The following CTNNA2 variants were observed in gnomAD, a reference collection of about 807,000 sequenced individuals.
The protein encoded by CTNNA2 is catenin alpha-2.
CTNNA2 carries 42 observed loss-of-function variants against 101.0 expected under a neutral mutation model. The observed-to-expected ratio is 0.42, with a 90% CI of 0.32 to 0.54. CTNNA2 has a LOEUF of 0.54. Among genes scored for constraint, CTNNA2 ranks in the 20% least tolerant of loss-of-function variants. The probability of loss-of-function intolerance (pLI) is 0.14; values close to 1 mark genes in which losing one functional copy is unlikely to be tolerated. For missense variants in CTNNA2, 871 were observed against 1,223.1 expected (o/e 0.71, Z 4.29); for synonymous variants, 450 against 456.4 (o/e 0.99, Z 0.18).
intron 7 of CTNNA2, among the ~76,000 whole-genome samples, chr2:80,386,321 T>A (rs1268662785): frequency 6.6e-6 from 1 of 152,160 alleles, no homozygotes; most frequent in Non-Finnish European, 1.5e-5. Flanking sequence ...TCAACTTTCA[T>A]CCATTCTAAA....
chr2:79,444,926 T>C (rs1257629708), intron 4 of CTNNA2, among the ~76,000 whole-genome samples: 1 of 152,162 alleles, frequency 6.6e-6, no homozygotes, highest in Non-Finnish European at 1.5e-5. Flanking sequence ...AATTTGCTGA[T>C]TTTTGTACCC....
intron 2 of CTNNA2, among the ~76,000 whole-genome samples, chr2:79,722,178 T>A: frequency 6.6e-6 from 1 of 152,152 alleles, no homozygotes; most frequent in East Asian, 1.9e-4. Context: ...TTTGTAAGGC[T>A]GGGGACATAT....
At chr2:80,087,748 A>G (rs1349309164) in intron 7 of CTNNA2, among the ~76,000 whole-genome samples, 1 of 152,044 alleles carries the variant, frequency 6.6e-6, no homozygotes, top group Non-Finnish European at 1.5e-5. Flanking sequence ...CATTTGTAAC[A>G]AGCTCCAAGG....
chr2:80,250,003 A>T (rs950336294), intron 7 of CTNNA2, among the ~76,000 whole-genome samples: 1 of 152,122 alleles, frequency 6.6e-6, no homozygotes, highest in African/African-American at 2.4e-5. Flanking sequence ...GAAAGAATTG[A>T]ACCATGTTCC....
intron 4 of CTNNA2, among the ~76,000 whole-genome samples, chr2:79,398,771 A>T (rs1454086826): frequency 6.6e-6 from 1 of 152,070 alleles, no homozygotes; most frequent in Non-Finnish European, 1.5e-5. Context: ...AAACCTCAAA[A>T]AAAAACCTGT....
At chr2:79,992,613 G>A (rs1387657398) in intron 7 of CTNNA2, among the ~76,000 whole-genome samples, 3 of 152,300 alleles carry the variant, frequency 2.0e-5, no homozygotes, top group Admixed American at 2.0e-4. Context: ...TATGCTAAGA[G>A]CGTTTATATG....
At chr2:80,267,812 T>C (rs1673128533) in intron 7 of CTNNA2, among the ~76,000 whole-genome samples, 1 of 152,176 alleles carries the variant, frequency 6.6e-6, no homozygotes, top group Non-Finnish European at 1.5e-5. Flanking sequence ...TTAGTGGATT[T>C]TTCAGTGAGG....
chr2:79,414,856 A>C (rs1678460057), intron 4 of CTNNA2, among the ~76,000 whole-genome samples: 1 of 152,048 alleles, frequency 6.6e-6, no homozygotes, highest in Non-Finnish European at 1.5e-5. Context: ...AAGCCACCAG[A>C]TGACTGTACC....
At chr2:79,829,556 C>T (rs1285273144) in intron 3 of CTNNA2, among the ~76,000 whole-genome samples, 1 of 150,822 alleles carries the variant, frequency 6.6e-6, no homozygotes, top group African/African-American at 2.4e-5. Flanking sequence ...GGTGACAGAG[C>T]GAGACTCCAT....
chr2:79,526,223 T>C (rs545497173), intron 1 of CTNNA2, among the ~76,000 whole-genome samples: 3 of 152,186 alleles, frequency 2.0e-5, no homozygotes, highest in African/African-American at 7.2e-5. Context: ...TTTTTATTTT[T>C]ATACTTTATT....
intron 15 of CTNNA2, 56 bp from the exon 16 acceptor site, chr2:80,604,018 T>A (rs925959646): frequency 1.1e-5 from 15 of 1,428,342 alleles, no homozygotes; most frequent in Non-Finnish European, 1.5e-5. Context: ...TATGGTAGGT[T>A]GGTCTCTTTC....
At chr2:79,229,683 G>A (rs145767738) in intron 2 of CTNNA2, among the ~76,000 whole-genome samples, 9 of 152,320 alleles carry the variant, frequency 5.9e-5, no homozygotes, top group African/African-American at 2.2e-4. Flanking sequence ...ACAGGCAGAG[G>A]TTGGAACAGT....
Position 79,819,538 on chromosome 2 carries a change from C to T in CTNNA2, c.299-38475C>T, listed in dbSNP as rs543017825. ...GTTCTATGTGTGAGTCTCTCAGGTA[C>T]TTGAATGTTTGTATGTGTGTTAAGA... is the stretch of plus-strand genomic sequence containing the variant. On this transcript the variant is annotated intron_variant, in intron 3 of 18. Transcript: ENST00000402739. Among the ~76,000 whole-genome samples the T allele has an allele frequency of 6.3e-4, 96 of 152,238 alleles. 1 individual carries two copies. Among genetic ancestry groups the T allele is most frequent in the African/African-American group, 2.3e-3 (95 of 41,530 alleles).
chr2:80,560,944 G>T (rs13431459), intron 12 of CTNNA2, among the ~76,000 whole-genome samples: 32,914 of 151,944 alleles, frequency 0.22, 3,706 homozygotes, highest in African/African-American at 0.28. Context: ...TTTACACTTT[G>T]TCTTTTTTTT....
intron 9 of CTNNA2, among the ~76,000 whole-genome samples, chr2:80,434,656 A>G (rs1681870384): frequency 6.6e-6 from 1 of 151,816 alleles, no homozygotes; most frequent in Admixed American, 6.6e-5. Flanking sequence ...TTGTAGAGAC[A>G]GGGTTTTGCC....
chr2:79,372,213 T>G (rs546773996), intron 3 of CTNNA2, among the ~76,000 whole-genome samples: 2 of 152,138 alleles, frequency 1.3e-5, no homozygotes, highest in South Asian at 4.1e-4. Context: ...CTATACTGAG[T>G]GCCTACACCT....
intron 7 of CTNNA2, among the ~76,000 whole-genome samples, chr2:80,198,783 G>A (rs1006916923): frequency 6.6e-6 from 1 of 152,130 alleles, no homozygotes; most frequent in African/African-American, 2.4e-5. Flanking sequence ...CTTATTGCCC[G>A]TGATGTCATT....
intron 2 of CTNNA2, among the ~76,000 whole-genome samples, chr2:79,211,137 T>C (rs6734557): frequency 0.33 from 50,541 of 151,870 alleles, 9,014 homozygotes; most frequent in African/African-American, 0.47. Context: ...TGAGGAGGAA[T>C]CCATGATTTT....
In CTNNA2 at chr2:79,393,628, G is replaced by GAAA. The variant is rs71385270; in HGVS notation, c.-135+19633_-135+19635dup. 3.7e-4 allele frequency among the ~76,000 whole-genome samples: 33 copies of GAAA among 88,964 alleles called. 3 individuals carry two copies. Among genetic ancestry groups the GAAA allele is most frequent in the East Asian group, 6.6e-4 (2 of 3,014 alleles). 58.4% of individuals were successfully genotyped at this position (88,964 alleles called of 152,430 possible). ...TAGGATAAAAGAAGATGTTCACAGA[G>GAAA]AAAAAAAAAAAAAAAAAAAAGCTGC... is the stretch of plus-strand genomic sequence containing the variant. On this transcript the variant is annotated intron_variant, in intron 4 of 21. Coordinates refer to the CTNNA2 transcript ENST00000466387.
Sources: gnomAD v4.1 joint callset for allele counts (sites outside exome capture counted in the v4.1 genomes callset) on GRCh38, gnomAD v4.1.1 for gene constraint, MANE v1.5 for transcripts, NCBI Gene and HGNC (gene_info 2026-07-23, HGNC 2026-07-21) for gene names.